FAT1: variants seen among roughly 807,000 people sequenced by gnomAD.
The protein encoded by FAT1 is FAT atypical cadherin 1.
In FAT1, 171 loss-of-function variants were observed where a neutral mutation model predicts 329.8. That is an observed-to-expected ratio of 0.52 (90% CI 0.46 to 0.59). The LOEUF is 0.59. Ranked by LOEUF, FAT1 falls within the 20% of genes least tolerant of loss-of-function variation. The probability of loss-of-function intolerance (pLI) is 0.00; values close to 1 mark genes in which losing one functional copy is unlikely to be tolerated. For missense variants in FAT1, 5,672 were observed against 5,774.4 expected (o/e 0.98, Z 0.57); for synonymous variants, 2,233 against 2,228.6 (o/e 1.00, Z -0.06).
At chr4:186,609,646 A>G (rs1453137683) in intron 15 of FAT1, among the ~76,000 whole-genome samples, 155 bp downstream of exon 15, 1 of 152,174 alleles carries the variant, frequency 6.6e-6, no homozygotes, top group Non-Finnish European at 1.5e-5. Flanking sequence ...ATTATTCATA[A>G]CAAAGTCAGC....
At chr4:186,682,356 A>T (rs1390321021) in intron 2 of FAT1, among the ~76,000 whole-genome samples, 2 of 152,010 alleles carry the variant, frequency 1.3e-5, no homozygotes, top group East Asian at 3.9e-4. Context: ...GGGAAACCCC[A>T]TCTCTACTAA....
At chr4:186,601,462 C>G (rs1738817038) in intron 20 of FAT1, 36 bp from the exon 21 acceptor site, 1 of 1,574,790 alleles carries the variant, frequency 6.4e-7, no homozygotes, top group Non-Finnish European at 8.7e-7. Context: ...AAACCAGAAC[C>G]AAGTTTAAGC....
rs576312211 is a variant in FAT1, at chr4:186,621,020, G to A, written c.5566C>T (p.Arg1856Cys). The change falls in exon 10 of 27, where the codon CGT (arginine) becomes TGT (cysteine). Residue 1856 changes from arginine to cysteine, a missense_variant. Around this residue, in one of 2 missense-constraint regions of FAT1, gnomAD observed 3,966 missense variants for 3,915.2 expected, o/e 1.01. Coordinates refer to ENST00000441802, the MANE Select transcript of FAT1 (RefSeq NM_005245.4). ...TTCGCTGCATACTCAGCAAATAAACGTGGGGTTCCCATGTCATGCACTTGG... is the reference window on the plus strand; with the variant it reads ...TTCGCTGCATACTCAGCAAATAAACATGGGGTTCCCATGTCATGCACTTGG... ...TVQVHDMGTP[R>C]LFAEYAANVT... The A allele has an allele frequency of 7.4e-6, 12 of 1,612,580 alleles. No homozygotes were observed. Among genetic ancestry groups the A allele is most frequent in the African/African-American group, 2.7e-5 (2 of 75,046 alleles).
intron 9 of FAT1, among the ~76,000 whole-genome samples, chr4:186,624,891 T>G (rs1365909903): frequency 6.6e-6 from 1 of 152,216 alleles, no homozygotes; most frequent in African/African-American, 2.4e-5. Flanking sequence ...AAAATTCTAC[T>G]GCATTTTAAT....
intron 3 of FAT1, among the ~76,000 whole-genome samples, chr4:186,652,568 G>GA (rs1237001888): frequency 6.6e-6 from 1 of 151,974 alleles, no homozygotes; most frequent in Admixed American, 6.6e-5. Context: ...AAAGAGATAG[G>GA]AAAAAAATCT....
At chr4:186,656,867 C>T (rs1005784609) in intron 3 of FAT1, among the ~76,000 whole-genome samples, 2 of 152,160 alleles carry the variant, frequency 1.3e-5, no homozygotes, top group African/African-American at 4.8e-5. Flanking sequence ...ACAGTACATA[C>T]ATATTGATGG....
chr4:186,597,900 T>C, intron 23 of FAT1, 72 bp downstream of exon 23: 1 of 1,573,810 alleles, frequency 6.4e-7, no homozygotes, highest in South Asian at 1.1e-5. Flanking sequence ...TGCAGACTTT[T>C]TACATGTACC....
rs750479449 is a variant in FAT1 at position 186,708,241 on chromosome 4, C to T, written c.1587G>A (p.Leu529=). ...TCCTCAGAGTATAAACCCGAGGCAT[C>T]AGTTCGTAGTCCAGGTTTTCTGACG... ...VSTSENLDYE[L]MPRVYTLRIR... The change falls in exon 2 of 27, where the codon CTG becomes CTA. Residue 529 remains leucine (L), a synonymous_variant. Coordinates refer to ENST00000441802, the MANE Select transcript of FAT1 (RefSeq NM_005245.4). 8.1e-6 allele frequency: 13 copies of T among 1,614,008 alleles called. No individual in the cohort carries two copies. Among genetic ancestry groups the T allele is most frequent in the Non-Finnish European group, 1.1e-5 (13 of 1,179,894 alleles).
At chr4:186,602,657 T>C (rs2030674835) in intron 20 of FAT1, among the ~76,000 whole-genome samples, 1 of 152,176 alleles carries the variant, frequency 6.6e-6, no homozygotes, top group African/African-American at 2.4e-5. Flanking sequence ...TGGCACTGCG[T>C]TGTTAGCTGT....
At chr4:186,669,792 C>G (rs10025804) in intron 2 of FAT1, among the ~76,000 whole-genome samples, 1 of 151,976 alleles carries the variant, frequency 6.6e-6, no homozygotes, top group Non-Finnish European at 1.5e-5. Flanking sequence ...ACTTACTTAA[C>G]TAAACGGATA....
chr4:186,685,229 A>C (rs1313270582), intron 2 of FAT1, among the ~76,000 whole-genome samples: 3 of 152,230 alleles, frequency 2.0e-5, no homozygotes, highest in Non-Finnish European at 4.4e-5. Context: ...AGGAAGAATA[A>C]GTCTTACATT....
In FAT1 at chr4:186,665,927, A is replaced by G. The variant is rs1321124216; in HGVS notation, c.3266-2314T>C. 3.3e-5 allele frequency among the ~76,000 whole-genome samples: 5 copies of G among 151,712 alleles called. No homozygotes were observed. The South Asian group carries it at 6.3e-4, about 19-fold the overall frequency. ...TGGAAACCATCGTTCTCAGCAAACT[A>G]TCGCAAGGACAAAAAACCAAATACT... On this transcript the variant is annotated intron_variant, in intron 2 of 26. Transcript: ENST00000441802.
chr4:186,661,733 G>A (rs1742180439), intron 3 of FAT1, among the ~76,000 whole-genome samples: 1 of 152,138 alleles, frequency 6.6e-6, no homozygotes, highest in Non-Finnish European at 1.5e-5. Context: ...TAAAGTAACA[G>A]AACCCAAAGA....
chr4:186,605,932 TA>T, intron 17 of FAT1, 137 bp downstream of exon 17: 2 of 762,674 alleles, frequency 2.6e-6, no homozygotes, highest in Non-Finnish European at 4.3e-6. Context: ...CATCTTTTAA[TA>T]CTGATAGCGA....
In FAT1 at chr4:186,709,753, T is replaced by C. The variant is rs942010820; in HGVS notation, c.75A>G (p.Gln25=). The part of the protein sequence containing the change: ...FQHFGDSDGS[Q]RLEQTPLQFT... The stretch of plus-strand genomic sequence containing the variant: ...ACTGCAGAGGAGTCTGTTCAAGTCG[T>C]TGGCTGCCATCACTGTCTCCAAAAT... The change falls in exon 2 of 27, where the codon CAA becomes CAG. Residue 25 remains glutamine, a synonymous_variant. Transcript: ENST00000441802. 4.3e-6 allele frequency: 7 copies of C among 1,613,318 alleles called. 1 individual carries two copies. In the Middle Eastern group the frequency reaches 4.9e-4, roughly 114 times the overall value.
At chr4:186,720,962 A>G (rs1279296035) in intron 1 of FAT1, among the ~76,000 whole-genome samples, 1 of 152,228 alleles carries the variant, frequency 6.6e-6, no homozygotes, top group Non-Finnish European at 1.5e-5. Flanking sequence ...TGCTCTGTAG[A>G]GGACTCATTT....
In FAT1 at chr4:186,620,089, G is replaced by A. The variant is rs565106792; in HGVS notation, c.6497C>T (p.Ala2166Val). Residue 2166 changes from alanine to valine, a missense_variant, in exon 10 of 27, where the codon GCG (alanine) becomes GTG (valine). Transcript: ENST00000441802. ...AKDGGNPAFS[A>V]EVIVPITVMN... ...GACAGTGATCGGAACGATAACTTCC[G>A]CTGAAAAGGCCGGGTTCCCTCCATC... 2.9e-5 allele frequency: 46 copies of A among 1,613,994 alleles called. No individual in the cohort carries two copies. The Middle Eastern group carries it at 6.6e-4, about 23-fold the overall frequency.
At position 186,611,616 on chromosome 4, in the gene FAT1, C is replaced by CT; in HGVS notation, c.9622dup (p.Arg3208LysfsTer15). The CT allele has an allele frequency of 6.2e-7, 1 of 1,613,586 alleles. No homozygotes were observed. The highest frequency in any genetic ancestry group is 8.5e-7 in the Non-Finnish European group (1 of 1,179,716). ...CACAGTGCCAGTGGCAGTCAGCCTC[C>CT]TTGGCAAGCCTTGATCCACAGCTTT... is the stretch of plus-strand genomic sequence containing the variant. On this transcript the variant is annotated frameshift_variant, in exon 14 of 27. Coordinates refer to ENST00000441802, the MANE Select transcript of FAT1 (RefSeq NM_005245.4). LOFTEE classifies it high-confidence loss of function.
Position 186,595,707 on chromosome 4 carries a change from C to A in FAT1, c.13120G>T (p.Glu4374Ter). 1.2e-6 allele frequency: 2 copies of A among 1,613,906 alleles called. No homozygotes were observed. Among genetic ancestry groups the A allele is most frequent in the Non-Finnish European group, 1.7e-6 (2 of 1,179,864 alleles). The change falls in exon 26 of 27, where the codon GAA becomes TAA. Residue 4374 changes from glutamate (E) to a stop codon, truncating the protein, a stop_gained. Transcript: ENST00000441802. LOFTEE classifies it high-confidence loss of function. ...GCCTCACCATTGTCATCGCACGATTCGGACTGGAAGGAGCTCAGAGACTGC... is the reference window on the plus strand; with the variant it reads ...GCCTCACCATTGTCATCGCACGATTAGGACTGGAAGGAGCTCAGAGACTGC... ...EVQSLSSFQSESCDDNGYHWD... is the reference protein window; with the variant it reads ...EVQSLSSFQS
Sources: allele counts gnomAD v4.1 joint callset (sites outside exome capture counted in the v4.1 genomes callset), GRCh38; gene constraint gnomAD v4.1.1; regional missense constraint gnomAD v4.1.1; transcripts MANE v1.5; gene names NCBI Gene and HGNC (gene_info 2026-07-23, HGNC 2026-07-21).